TSC2: variants seen among roughly 807,000 people sequenced by gnomAD.
TSC2 encodes TSC complex subunit 2.
In TSC2, 29 loss-of-function variants were observed where a neutral mutation model predicts 202.2. The observed-to-expected ratio is 0.14, with a 90% confidence interval of 0.11 to 0.20. The LOEUF (loss-of-function observed/expected upper bound fraction) is 0.20. Among genes scored for constraint, TSC2 ranks in the 10% least tolerant of loss-of-function variants. The pLI, the probability that TSC2 is intolerant of heterozygous loss-of-function variation, is 1.00. For synonymous variants in TSC2, 1,349 were observed against 1,044.0 expected (o/e 1.29, Z -5.63); for missense variants, 2,429 against 2,420.0 (o/e 1.00, Z -0.08).
At chr16:2,086,591 G>A (rs372576536) in intron 37 of TSC2, 141 bp from the exon 38 acceptor site, 114 of 1,436,418 alleles carry the variant, frequency 7.9e-5, no homozygotes, top group East Asian at 7.1e-4. Context: ...GGGGAGAGCC[G>A]AGGACCACTG....
chr16:2,063,382 T>C (rs981696746), intron 14 of TSC2: 2 of 485,462 alleles, frequency 4.1e-6, no homozygotes, highest in Non-Finnish European at 7.6e-6. Context: ...ATGGGGACAT[T>C]GTCTTCCGTT....
At chr16:2,064,504 T>C (rs762397488) in intron 15 of TSC2, 77 bp downstream of exon 15, 115 of 1,596,824 alleles carry the variant, frequency 7.2e-5, no homozygotes, top group Non-Finnish European at 9.4e-5. Flanking sequence ...GGGCCCTCTG[T>C]CCTCCTCTTC....
chr16:2,062,428 C>T, intron 12 of TSC2, 69 bp from the exon 13 acceptor site: 1 of 1,458,390 alleles, frequency 6.9e-7, no homozygotes, highest in Non-Finnish European at 9.4e-7. Flanking sequence ...GCCTCTCGAC[C>T]AGCAGCCCAG....
intron 17 of TSC2, among the ~76,000 whole-genome samples, chr16:2,070,937 GAGGGCAGAGCTGAGACGGC>G (rs1048916887): frequency 3.3e-5 from 5 of 151,916 alleles, no homozygotes; most frequent in African/African-American, 1.2e-4. Flanking sequence ...GCAGAGCTGA[GAGGGCAGAGCTGAGACGGC>G]AGGGCAGGGC....
intron 32 of TSC2, 97 bp from the exon 33 acceptor site, chr16:2,083,598 G>A (rs1445104965): frequency 6.5e-7 from 1 of 1,539,066 alleles, no homozygotes; most frequent in Admixed American, 2.0e-5. Context: ...CAGGGCTGCT[G>A]TCCCTCTGGT....
At chr16:2,059,762 G>A (rs1020112430) in intron 10 of TSC2, among the ~76,000 whole-genome samples, 30 of 151,778 alleles carry the variant, frequency 2.0e-4, no homozygotes, top group Non-Finnish European at 3.4e-4. Context: ...CAGGTGATCC[G>A]CCAGCCTCAG....
chr16:2,073,265 C>T (rs1450498376), intron 21 of TSC2, among the ~76,000 whole-genome samples: 1 of 152,208 alleles, frequency 6.6e-6, no homozygotes, highest in Non-Finnish European at 1.5e-5. Context: ...TTCCTGCTGT[C>T]CCAAGGGGGA....
Position 2,064,262 on chromosome 16 carries a change from G to A in TSC2, c.1444-10G>A, listed in dbSNP as rs959382859. The A allele has an allele frequency of 6.2e-7, 1 of 1,613,776 alleles. No individual in the cohort carries two copies. The highest frequency in any genetic ancestry group is 8.5e-7 in the Non-Finnish European group (1 of 1,180,032). ...GCTGGCGCTCATTGGCCTCCCTTGT[G>A]CCTGTGCAGGAGGAGCTGATTAACT... On this transcript the variant is annotated splice_polypyrimidine_tract_variant and intron_variant, in intron 14 of 41. Coordinates refer to ENST00000219476, the MANE Select transcript of TSC2 (RefSeq NM_000548.5).
chr16:2,068,825 A>G (rs1184260866), intron 16 of TSC2: 1 of 144,024 alleles, frequency 6.9e-6, no homozygotes, highest in African/African-American at 2.6e-5. Context: ...GTGACCTGAG[A>G]TCGTGCCATA....
intron 26 of TSC2, among the ~76,000 whole-genome samples, chr16:2,078,084 T>G (rs2089654618): frequency 2.0e-5 from 3 of 152,216 alleles, no homozygotes; most frequent in African/African-American, 7.2e-5. Flanking sequence ...TTCTTCGGGC[T>G]TTCTTCTCAA....
At chr16:2,072,079 G>C (rs2088515269) in intron 19 of TSC2, 145 bp downstream of exon 19, 1 of 1,491,850 alleles carries the variant, frequency 6.7e-7, no homozygotes, top group Non-Finnish European at 8.9e-7. Flanking sequence ...TCCCCGAGCA[G>C]CTGCAGGGAC....
intron 26 of TSC2, among the ~76,000 whole-genome samples, 185 bp downstream of exon 26, chr16:2,077,911 G>C (rs561068457): frequency 6.6e-6 from 1 of 152,272 alleles, no homozygotes; most frequent in Non-Finnish European, 1.5e-5. Context: ...GTATGAGCAC[G>C]GGCTGGTTGC....
chr16:2,070,091 C>T (rs1292815765), intron 16 of TSC2, among the ~76,000 whole-genome samples: 1 of 151,272 alleles, frequency 6.6e-6, no homozygotes, highest in Non-Finnish European at 1.5e-5. Flanking sequence ...CTCTTCACAC[C>T]TTGCCACACG....
chr16:2,071,881 G>C lies in TSC2; in HGVS notation c.2044G>C (p.Gly682Arg), dbSNP rs1432565227. The C allele has an allele frequency of 6.3e-7, 1 of 1,597,412 alleles. No individual in the cohort carries two copies. The highest frequency in any genetic ancestry group is 8.5e-7 in the Non-Finnish European group (1 of 1,172,748). ...GCCTGCAGGCCCCGCCGTGCGGCTGGGGTCCGTGCCCTACTCCCTGCTCTT... is the reference window on the plus strand; with the variant it reads ...GCCTGCAGGCCCCGCCGTGCGGCTGCGGTCCGTGCCCTACTCCCTGCTCTT... ...PAPAGPAVRLGSVPYSLLFRV... is the reference protein window; with the variant it reads ...PAPAGPAVRLRSVPYSLLFRV... The change falls in exon 19 of 42, where the codon GGG (glycine) becomes CGG (arginine). Residue 682 changes from glycine to arginine, a missense_variant. Transcript: ENST00000219476.
intron 5 of TSC2, chr16:2,055,035 C>T (rs113328694): frequency 0.02 from 7,710 of 384,482 alleles, 126 homozygotes; most frequent in Non-Finnish European, 0.026. Context: ...GCCAAGTGTG[C>T]ACACGTCTCC....
chr16:2,080,705 CA>C, intron 30 of TSC2: 3 of 330,598 alleles, frequency 9.1e-6, no homozygotes, highest in South Asian at 5.9e-5. Context: ...AGGATGGTCT[CA>C]ATCTCCTGAC....
In TSC2 at chr16:2,087,911, T is replaced by G. The variant is rs1555439802; in HGVS notation, c.5038T>G (p.Cys1680Gly). The change falls in exon 39 of 42, where the codon TGC (cysteine) becomes GGC (glycine). Residue 1680 changes from cysteine to glycine, a missense_variant. By Grantham distance (159) the Cys-to-Gly change is radical. Coordinates refer to ENST00000219476, the MANE Select transcript of TSC2 (RefSeq NM_000548.5). Reference protein sequence around the residue: ...HVIVTPLDYECNLVSLQCRKD... With the variant: ...HVIVTPLDYEGNLVSLQCRKD... The stretch of plus-strand genomic sequence containing the variant: ...GATCGTCACCCCGCTGGACTACGAG[T>G]GCAACCTGGTGTCCCTGCAGTGCAG... 2.5e-6 allele frequency: 4 copies of G among 1,611,368 alleles called. No individual in the cohort carries two copies. The African/African-American group carries it at 5.4e-5, about 22-fold the overall frequency.
Position 2,082,343 on chromosome 16 carries a change from TCTC to T in TSC2, c.3815-89_3815-87del, listed in dbSNP as rs1221247242. Reference sequence around the variant, plus strand: ...CCTGCCGGCCGCTGGCCCTGCCCTCTCTCCTCTGCAGGCACGGGGCCTGTGCTC... The same window carrying T: ...CCTGCCGGCCGCTGGCCCTGCCCTCTCTCTGCAGGCACGGGGCCTGTGCTC... On this transcript the variant is annotated intron_variant, in intron 31 of 41. Transcript: ENST00000219476. The T allele has an allele frequency of 5.5e-6, 8 of 1,466,062 alleles. No individual in the cohort carries two copies. The East Asian group carries it at 6.8e-5, about 12-fold the overall frequency. The allele number at this position is 1,466,062 out of a possible 1,614,324, so 90.8% of individuals were successfully genotyped here. A position where few individuals can be genotyped will look rare whatever the true frequency, so the allele number is the denominator to read the frequency against.
intron 36 of TSC2, among the ~76,000 whole-genome samples, chr16:2,085,586 G>C (rs2090675023): frequency 6.6e-6 from 1 of 152,192 alleles, no homozygotes; most frequent in Non-Finnish European, 1.5e-5. Context: ...GGGCTGGGGA[G>C]GGCGCTGTTG....
Sources: allele counts gnomAD v4.1 joint callset (sites outside exome capture counted in the v4.1 genomes callset), GRCh38; gene constraint gnomAD v4.1.1; transcripts MANE v1.5; gene names NCBI Gene and HGNC (gene_info 2026-07-23, HGNC 2026-07-21).